The following PCGF5 variants were observed in gnomAD, a reference collection of about 807,000 sequenced individuals.
PCGF5 encodes the protein polycomb group ring finger 5.
In PCGF5, 9 loss-of-function variants were observed where a neutral mutation model predicts 44.3. The observed-to-expected ratio is 0.20, with a 90% CI of 0.12 to 0.35. PCGF5 has a LOEUF of 0.35. Ranked by LOEUF, PCGF5 falls within the 10% of genes least tolerant of loss-of-function variation. PCGF5 has a pLI of 1.00. For synonymous variants in PCGF5, 95 were observed against 102.5 expected (o/e 0.93, Z 0.44); for missense variants, 146 against 305.3 (o/e 0.48, Z 3.89).
chr10:91,161,804 C>A (rs1843389380), upstream of PCGF5, among the ~76,000 whole-genome samples: 1 of 152,186 alleles, frequency 6.6e-6, no homozygotes, highest in Admixed American at 6.5e-5. Flanking sequence ...TCCAGTCTCA[C>A]CAGAGCTGCA....
At chr10:91,171,862 A>T (rs1843612867) in intron 1 of PCGF5, among the ~76,000 whole-genome samples, 1 of 152,116 alleles carries the variant, frequency 6.6e-6, no homozygotes, top group Non-Finnish European at 1.5e-5. Flanking sequence ...GGTCTTCGGG[A>T]ACTATGAGGC....
At position 91,278,462 on chromosome 10, in the gene PCGF5, A is replaced by G; in HGVS notation, c.*146A>G. 1.4e-6 allele frequency: 1 copy of G among 708,208 alleles called. No homozygotes were observed. The highest frequency in any genetic ancestry group is 2.7e-5 in the East Asian group (1 of 36,990). 43.9% of individuals were successfully genotyped at this position (708,208 alleles called of 1,614,324 possible). The stretch of plus-strand genomic sequence containing the variant: ...GGCCATTGTCTATCTCTAAATTGTC[A>G]GTTGCATTCATGTTGTTTCTATTAG... On this transcript the variant is annotated 3_prime_UTR_variant, in exon 10 of 10. Coordinates refer to ENST00000336126, the MANE Select transcript of PCGF5 (RefSeq NM_032373.5).
chr10:91,269,409 A>G (rs905037695), intron 8 of PCGF5, among the ~76,000 whole-genome samples: 5 of 152,194 alleles, frequency 3.3e-5, no homozygotes, highest in African/African-American at 1.2e-4. Context: ...CTGATTTAAA[A>G]TTTGATAATG....
At chr10:91,267,843 G>T (rs1190070067) in intron 8 of PCGF5, among the ~76,000 whole-genome samples, 1 of 152,122 alleles carries the variant, frequency 6.6e-6, no homozygotes, top group Non-Finnish European at 1.5e-5. Context: ...TGGCTAACTA[G>T]CTCTGCCTTG....
intron 6 of PCGF5, 65 bp from the exon 7 acceptor site, chr10:91,261,261 C>T (rs1845901809): frequency 7.3e-7 from 1 of 1,375,836 alleles, no homozygotes; most frequent in South Asian, 2.0e-5. Context: ...TATGGTTTCA[C>T]CAGAAGCAAG....
chr10:91,228,412 AT>A (rs1449859940), intron 2 of PCGF5, among the ~76,000 whole-genome samples: 1 of 152,146 alleles, frequency 6.6e-6, no homozygotes, highest in East Asian at 1.9e-4. Flanking sequence ...TAGACATAGA[AT>A]TCTGTGGTAC....
intron 8 of PCGF5, among the ~76,000 whole-genome samples, chr10:91,270,103 A>C (rs1192709461): frequency 6.6e-6 from 1 of 152,194 alleles, no homozygotes; most frequent in African/African-American, 2.4e-5. Context: ...TCCTTCACTT[A>C]GTTTCATCCC....
At chr10:91,238,609 T>C (rs150683841) in intron 2 of PCGF5, among the ~76,000 whole-genome samples, 223 of 105,296 alleles carry the variant, frequency 2.1e-3, no homozygotes, top group African/African-American at 5.7e-3. Context: ...TTCTTTTTTT[T>C]TTTTTTTTTT....
chr10:91,267,190 G>T (rs911852215), intron 8 of PCGF5, among the ~76,000 whole-genome samples: 1 of 151,850 alleles, frequency 6.6e-6, no homozygotes, highest in Non-Finnish European at 1.5e-5. Flanking sequence ...ACCTCCCCTG[G>T]TATCCACCTA....
chr10:91,246,225 A>G (rs1845456703), intron 3 of PCGF5, among the ~76,000 whole-genome samples: 1 of 152,180 alleles, frequency 6.6e-6, no homozygotes, highest in Non-Finnish European at 1.5e-5. Flanking sequence ...GTATGTAGTG[A>G]GAAGTGCTGT....
At chr10:91,275,678 C>G (rs1172883988) in intron 9 of PCGF5, among the ~76,000 whole-genome samples, 1 of 142,642 alleles carries the variant, frequency 7.0e-6, no homozygotes, top group East Asian at 2.0e-4. Context: ...TGTTCTTGAT[C>G]TCTTGACCTC....
intron 3 of PCGF5, among the ~76,000 whole-genome samples, chr10:91,248,227 G>A: frequency 6.6e-6 from 1 of 152,084 alleles, no homozygotes; most frequent in East Asian, 1.9e-4. Flanking sequence ...CAAGGCAGGG[G>A]AATAAACTCC....
At chr10:91,156,412 A>G in the PCGF5 span, among the ~76,000 whole-genome samples, 1 of 152,198 alleles carries the variant, frequency 6.6e-6, no homozygotes, top group Admixed American at 6.5e-5. Flanking sequence ...GTAGAAACCA[A>G]AAGAATTATT....
chr10:91,168,221 G>A (rs564131555), intron 1 of PCGF5, among the ~76,000 whole-genome samples: 2 of 152,298 alleles, frequency 1.3e-5, no homozygotes, highest in South Asian at 2.1e-4. Context: ...CAGAATAAAA[G>A]GCTAGGATAG....
chr10:91,217,364 A>T (rs1844562982), upstream of PCGF5, among the ~76,000 whole-genome samples: 2 of 152,190 alleles, frequency 1.3e-5, no homozygotes, highest in Admixed American at 1.3e-4. Context: ...TTTCAGGGAG[A>T]TGTAAATATA....
intron 1 of PCGF5, among the ~76,000 whole-genome samples, chr10:91,187,991 T>G (rs936338758): frequency 1.3e-5 from 2 of 152,128 alleles, no homozygotes; most frequent in Non-Finnish European, 2.9e-5. Flanking sequence ...AAATTATTAT[T>G]ATACTTTTAA....
intron 6 of PCGF5, among the ~76,000 whole-genome samples, chr10:91,259,665 G>A (rs980221582): frequency 6.6e-5 from 10 of 152,090 alleles, no homozygotes; most frequent in East Asian, 3.9e-4. Flanking sequence ...AAATAATGCC[G>A]CATATCTACA....
chr10:91,174,575 A>G (rs1262992218), intron 1 of PCGF5, among the ~76,000 whole-genome samples: 1 of 152,238 alleles, frequency 6.6e-6, no homozygotes, highest in Non-Finnish European at 1.5e-5. Flanking sequence ...ATGCTTTAAG[A>G]CTAAGTTAAT....
At chr10:91,221,116 G>C (rs1844663898) in intron 1 of PCGF5, among the ~76,000 whole-genome samples, 1 of 151,728 alleles carries the variant, frequency 6.6e-6, no homozygotes, top group Non-Finnish European at 1.5e-5. Flanking sequence ...CCGCGCACCT[G>C]CCGGGCGGGC....
Sources: gnomAD v4.1 joint callset for allele counts (sites outside exome capture counted in the v4.1 genomes callset) on GRCh38, gnomAD v4.1.1 for gene constraint, MANE v1.5 for transcripts, NCBI Gene and HGNC (gene_info 2026-07-23, HGNC 2026-07-21) for gene names.